The following CEP164 variants were observed in gnomAD, a reference collection of about 807,000 sequenced individuals.
CEP164 encodes the protein centrosomal protein of 164 kDa.
A neutral mutation model predicts 182.7 loss-of-function variants in CEP164; 162 were observed. The ratio of observed to expected loss-of-function variants is 0.89; its 90% CI spans 0.78 to 1.01. The LOEUF (loss-of-function observed/expected upper bound fraction) is 1.01. Among genes scored for constraint, CEP164 ranks in the 50% least tolerant of loss-of-function variants. The pLI is 0.00. For missense variants in CEP164, 1,735 were observed against 1,790.4 expected (o/e 0.97, Z 0.56); for synonymous variants, 661 against 690.0 (o/e 0.96, Z 0.66).
chr11:117,339,675 C>T (rs544600514), intron 3 of CEP164, among the ~76,000 whole-genome samples: 1 of 151,630 alleles, frequency 6.6e-6, no homozygotes, highest in Non-Finnish European at 1.5e-5. Context: ...ACTACAGGTG[C>T]CCACCACCAC....
At chr11:117,355,393 G>C (rs145183878) in intron 5 of CEP164, 2 of 1,289,802 alleles carry the variant, frequency 1.6e-6, no homozygotes, top group Non-Finnish European at 2.0e-6. Context: ...TGCAGGATGT[G>C]GTAGAAAGCA....
At chr11:117,328,052 C>G (rs2035587593) in intron 1 of CEP164, 148 bp downstream of exon 1, 1 of 152,298 alleles carries the variant, frequency 6.6e-6, no homozygotes, top group South Asian at 2.1e-4. Context: ...TGGCGGGGGA[C>G]CCGAGGCACG....
At chr11:117,338,247 C>T (rs548485901) in intron 2 of CEP164, among the ~76,000 whole-genome samples, 149 of 152,192 alleles carry the variant, frequency 9.8e-4, no homozygotes, top group African/African-American at 3.3e-3. Flanking sequence ...AGGATTTTTA[C>T]TTGGTGGTTC....
chr11:117,340,564 T>G (rs973281626), intron 3 of CEP164, among the ~76,000 whole-genome samples: 1 of 152,208 alleles, frequency 6.6e-6, no homozygotes. Flanking sequence ...AGAGACAGTC[T>G]TACTCTGTCA....
rs751558433 is a variant in CEP164 at position 117,408,851 on chromosome 11, T to TG, written c.3610-36dup. The TG allele has an allele frequency of 4.3e-6, 7 of 1,611,748 alleles. No homozygotes were observed. The East Asian group carries it at 1.1e-4, about 26-fold the overall frequency. On this transcript the variant is annotated intron_variant, in intron 28 of 32. Coordinates refer to ENST00000278935, the MANE Select transcript of CEP164 (RefSeq NM_014956.5). ...GGAAAAAGGAAGGGTAGAAAGCACG[T>TG]GGGAGAGGTGGGTCATAACTGCTGA...
At chr11:117,348,758 A>G (rs1347125698) in intron 4 of CEP164, among the ~76,000 whole-genome samples, 1 of 152,276 alleles carries the variant, frequency 6.6e-6, no homozygotes, top group East Asian at 1.9e-4. Flanking sequence ...TTCATCCCCA[A>G]ACTGAAACTC....
rs551606005 is a variant in CEP164, at chr11:117,334,610, A to G, written c.-97-995A>G. ...AGACCAGCCTGGCCAATGTGGTGAA[A>G]TCTAATCTCTACTAAAAATCCAGAG... On this transcript the variant is annotated intron_variant, in intron 1 of 32. Transcript: ENST00000278935. 3.3e-5 allele frequency among the ~76,000 whole-genome samples: 5 copies of G among 152,150 alleles called. No individual in the cohort carries two copies. The South Asian group carries it at 1.0e-3, about 32-fold the overall frequency.
upstream of CEP164, among the ~76,000 whole-genome samples, chr11:117,324,673 G>A (rs2035366318): frequency 6.6e-6 from 1 of 152,114 alleles, no homozygotes; most frequent in Non-Finnish European, 1.5e-5. Context: ...AGGAACCCAT[G>A]CTAAGGCACA....
rs1247554622 is a variant in CEP164 at position 117,397,443 on chromosome 11, G to C, written c.3501+130G>C. On this transcript the variant is annotated intron_variant, in intron 27 of 32. Coordinates refer to ENST00000278935, the MANE Select transcript of CEP164 (RefSeq NM_014956.5). ...CATGAGAGTGGCCACCTTGGCCCTG[G>C]GTCACTTATATTTACTTGGCAATGC... The C allele has an allele frequency of 6.5e-6, 5 of 775,040 alleles. No individual in the cohort carries two copies. The Admixed American group carries it at 1.2e-4, about 18-fold the overall frequency. 48.0% of individuals were successfully genotyped at this position (775,040 alleles called of 1,614,324 possible). A position where few individuals can be genotyped will look rare whatever the true frequency, so the allele number is the denominator to read the frequency against.
chr11:117,400,828 A>G (rs1276357645), intron 27 of CEP164, among the ~76,000 whole-genome samples: 1 of 152,174 alleles, frequency 6.6e-6, no homozygotes, highest in Non-Finnish European at 1.5e-5. Context: ...ATTTTTGCAC[A>G]TTGATTTTGT....
At chr11:117,334,653 G>A (rs2036752555) in intron 1 of CEP164, among the ~76,000 whole-genome samples, 1 of 152,006 alleles carries the variant, frequency 6.6e-6, no homozygotes, top group African/African-American at 2.4e-5. Context: ...AGGCATGGTG[G>A]GGGTGCCTGT....
chr11:117,354,405 G>A (rs1244177847), intron 5 of CEP164, among the ~76,000 whole-genome samples: 1 of 152,210 alleles, frequency 6.6e-6, no homozygotes, highest in Non-Finnish European at 1.5e-5. Flanking sequence ...GCGAGTTTCA[G>A]ACTGTAGTTT....
chr11:117,355,160 C>G lies in CEP164; in HGVS notation c.393+3172C>G, dbSNP rs536343996. The G allele has an allele frequency of 9.3e-6, 12 of 1,289,862 alleles. No homozygotes were observed. The South Asian group carries it at 1.4e-4, about 15-fold the overall frequency. The allele number at this position is 1,289,862 out of a possible 1,614,324, so 79.9% of individuals were successfully genotyped here. A position where few individuals can be genotyped will look rare whatever the true frequency, so the allele number is the denominator to read the frequency against. On this transcript the variant is annotated intron_variant, in intron 5 of 32. Coordinates refer to ENST00000278935, the MANE Select transcript of CEP164 (RefSeq NM_014956.5). ...GCCACTCTCCAAAGGCCAACCTTCC[C>G]AAATCCACCAGGTCTTTGCTGACAT...
chr11:117,333,442 A>G (rs557713195), intron 1 of CEP164, among the ~76,000 whole-genome samples: 82 of 152,156 alleles, frequency 5.4e-4, no homozygotes, highest in Non-Finnish European at 9.1e-4. Flanking sequence ...CTTCTTTCCA[A>G]TCTGGCCTCC....
chr11:117,323,707 C>A (rs1406356385), upstream of CEP164, among the ~76,000 whole-genome samples: 1 of 152,160 alleles, frequency 6.6e-6, no homozygotes, highest in African/African-American at 2.4e-5. Context: ...TTTACAGTCC[C>A]ACCAACATTT....
intron 10 of CEP164, 141 bp downstream of exon 10, chr11:117,373,972 T>C (rs1390301078): frequency 1.5e-6 from 1 of 647,044 alleles, no homozygotes; most frequent in East Asian, 2.8e-5. Flanking sequence ...CTAGCTCCAG[T>C]TTCTCAACCC....
intron 25 of CEP164, 148 bp from the exon 26 acceptor site, chr11:117,396,402 C>T: frequency 1.3e-6 from 1 of 797,572 alleles, no homozygotes; most frequent in South Asian, 1.6e-5. Flanking sequence ...TCGTCTCCAC[C>T]AGTCAGATGA....
At chr11:117,337,390 C>G (rs2037332269) in intron 2 of CEP164, among the ~76,000 whole-genome samples, 2 of 151,736 alleles carry the variant, frequency 1.3e-5, no homozygotes, top group South Asian at 2.1e-4. Context: ...GAACCAGTCA[C>G]ATTGTGGATT....
chr11:117,348,928 T>C (rs2039287498), intron 4 of CEP164, among the ~76,000 whole-genome samples: 3 of 152,234 alleles, frequency 2.0e-5, no homozygotes, highest in Non-Finnish European at 2.9e-5. Flanking sequence ...TCACTTAGCA[T>C]AACATCCTCA....
Sources: gnomAD v4.1 joint callset for allele counts (sites outside exome capture counted in the v4.1 genomes callset) on GRCh38, gnomAD v4.1.1 for gene constraint, MANE v1.5 for transcripts, NCBI Gene and HGNC (gene_info 2026-07-23, HGNC 2026-07-21) for gene names.